Variants in MEIS2 observed in about 807,000 individuals in gnomAD.
MEIS2 encodes Meis homeobox 2.
MEIS2 carries 9 observed loss-of-function variants against 58.6 expected under a neutral mutation model. The ratio of observed to expected loss-of-function variants is 0.15; its 90% CI spans 0.09 to 0.27. MEIS2 has a LOEUF of 0.27. Ranked by LOEUF, MEIS2 falls within the 10% of genes least tolerant of loss-of-function variation. MEIS2 has a pLI of 1.00. For missense variants in MEIS2, 427 were observed against 635.0 expected, an observed-to-expected ratio of 0.67 and a Z score of 3.52; for synonymous variants, 221 against 228.4, an observed-to-expected ratio of 0.97 and a Z score of 0.29.
chr15:36,900,279 C>T (rs897971810), intron 9 of MEIS2, among the ~76,000 whole-genome samples: 6 of 152,014 alleles, frequency 3.9e-5, no homozygotes, highest in Admixed American at 3.3e-4. Context: ...TTTTCATTAG[C>T]CTCATTGTGA....
chr15:37,023,911 CTTTTTTTTTTTT>C (rs35244111), intron 8 of MEIS2, among the ~76,000 whole-genome samples: 22 of 101,538 alleles, frequency 2.2e-4, no homozygotes, highest in African/African-American at 7.4e-4. Context: ...TTTTCTCTCT[CTTTTTTTTTTTT>C]TTTTTTTTTT....
chr15:36,978,870 AGACT>A (rs1391550301), intron 8 of MEIS2, among the ~76,000 whole-genome samples: 3 of 152,234 alleles, frequency 2.0e-5, no homozygotes, highest in African/African-American at 4.8e-5. Context: ...TCCAGTTACT[AGACT>A]GACTGCTTTC....
At chr15:36,903,785 G>A (rs947252117) in intron 9 of MEIS2, among the ~76,000 whole-genome samples, 2 of 152,122 alleles carry the variant, frequency 1.3e-5, no homozygotes, top group African/African-American at 4.8e-5. Flanking sequence ...AACAAATCTA[G>A]TAGCTTTTTA....
intron 9 of MEIS2, among the ~76,000 whole-genome samples, chr15:36,935,945 T>C (rs1254766391): frequency 6.6e-6 from 1 of 152,218 alleles, no homozygotes; most frequent in African/African-American, 2.4e-5. Flanking sequence ...AATATTATTT[T>C]ACATTATGAA....
chr15:36,986,705 G>T (rs1328486831), intron 8 of MEIS2, among the ~76,000 whole-genome samples: 1 of 152,154 alleles, frequency 6.6e-6, no homozygotes, highest in Non-Finnish European at 1.5e-5. Flanking sequence ...GGCCTTCTAG[G>T]ATCTGCTGAC....
chr15:36,969,282 T>C (rs1272888589), intron 8 of MEIS2, among the ~76,000 whole-genome samples: 5 of 152,248 alleles, frequency 3.3e-5, no homozygotes, highest in Non-Finnish European at 7.3e-5. Context: ...CCAGTTTATC[T>C]ACTCTGTCAT....
chr15:36,971,564 A>G (rs74747431), intron 8 of MEIS2, among the ~76,000 whole-genome samples: 2 of 147,772 alleles, frequency 1.4e-5, no homozygotes, highest in African/African-American at 2.5e-5. Context: ...AAAAAAAAAA[A>G]GGGCTGTTCC....
intron 7 of MEIS2, among the ~76,000 whole-genome samples, chr15:37,064,462 T>C (rs1299322439): frequency 6.6e-6 from 1 of 152,130 alleles, no homozygotes; most frequent in Non-Finnish European, 1.5e-5. Context: ...AAGGACATTA[T>C]GAATAATATT....
intron 9 of MEIS2, among the ~76,000 whole-genome samples, chr15:36,907,356 C>G (rs542227303): frequency 6.6e-6 from 1 of 152,186 alleles, no homozygotes; most frequent in Non-Finnish European, 1.5e-5. Flanking sequence ...AAATGGTTCT[C>G]AAGTCTCTAT....
intron 7 of MEIS2, among the ~76,000 whole-genome samples, chr15:37,072,487 T>C (rs1472117493): frequency 1.3e-5 from 2 of 152,110 alleles, no homozygotes; most frequent in Non-Finnish European, 2.9e-5. Context: ...CCCACTTGCC[T>C]CTCCAGCCTC....
Position 36,892,529 on chromosome 15 carries a change from T to TAAAA in MEIS2, c.1148-71_1148-70insTTTT. Reference sequence around the variant, plus strand: ...ATTTTTATACTTTACCCATCAAAGATGAAAAGAAAAAAAAAAAAAAAACAA... The same window carrying TAAAA: ...ATTTTTATACTTTACCCATCAAAGATAAAAGAAAAGAAAAAAAAAAAAAAAACAA... On this transcript the variant is annotated intron_variant, in intron 11 of 11. Coordinates refer to ENST00000561208, the MANE Select transcript of MEIS2 (RefSeq NM_170675.5). 5.0e-6 allele frequency: 5 copies of TAAAA among 994,156 alleles called. No individual in the cohort carries two copies. The South Asian group carries it at 9.7e-5, about 19-fold the overall frequency. 61.6% of individuals were successfully genotyped at this position (994,156 alleles called of 1,614,324 possible). A position where few individuals can be genotyped will look rare whatever the true frequency, so the allele number is the denominator to read the frequency against.
At chr15:37,064,270 C>G (rs1889637608) in intron 7 of MEIS2, among the ~76,000 whole-genome samples, 1 of 152,034 alleles carries the variant, frequency 6.6e-6, no homozygotes, top group African/African-American at 2.4e-5. Context: ...ATTTTCAGGA[C>G]AGAAAGCAAA....
intron 8 of MEIS2, among the ~76,000 whole-genome samples, chr15:37,000,442 C>T (rs1363572509): frequency 6.6e-6 from 1 of 152,122 alleles, no homozygotes; most frequent in African/African-American, 2.4e-5. Context: ...GCAACCACAA[C>T]CCCTACACTG....
chr15:37,051,331 A>G (rs2062910355), intron 7 of MEIS2, among the ~76,000 whole-genome samples: 1 of 152,220 alleles, frequency 6.6e-6, no homozygotes, highest in Non-Finnish European at 1.5e-5. Flanking sequence ...TACATTTTGA[A>G]ATCATGCTAA....
intron 9 of MEIS2, among the ~76,000 whole-genome samples, chr15:36,930,780 G>C (rs570372085): frequency 6.6e-6 from 1 of 152,094 alleles, no homozygotes. Flanking sequence ...TCATATATAC[G>C]CACATCTTTC....
chr15:36,984,533 C>T lies in MEIS2; in HGVS notation c.901-34133G>A, dbSNP rs188890427. ...GATTTTTGCATCTGTGTTCACCAGG[C>T]ATATTAGCTTGTAATTTTTTTCTTG... On this transcript the variant is annotated intron_variant, in intron 8 of 11. Transcript: ENST00000561208. Among the ~76,000 whole-genome samples the T allele has an allele frequency of 2.6e-5, 4 of 152,152 alleles. No individual in the cohort carries two copies. In the East Asian group the frequency reaches 7.7e-4, roughly 29 times the overall value.
chr15:37,027,138 T>G (rs1396907208), intron 8 of MEIS2, among the ~76,000 whole-genome samples: 3 of 152,218 alleles, frequency 2.0e-5, no homozygotes, highest in African/African-American at 7.2e-5. Context: ...TAATGCTTCC[T>G]ACCTAAGTCA....
chr15:37,088,402 A>C (rs1398465168), intron 6 of MEIS2, among the ~76,000 whole-genome samples: 2 of 152,150 alleles, frequency 1.3e-5, no homozygotes, highest in African/African-American at 2.4e-5. Flanking sequence ...TACATAATTA[A>C]ATTACTTATT....
intron 7 of MEIS2, among the ~76,000 whole-genome samples, chr15:37,066,924 G>A (rs898731688): frequency 1.3e-5 from 2 of 151,884 alleles, no homozygotes; most frequent in Non-Finnish European, 2.9e-5. Context: ...GACTATAGGT[G>A]CATGCCATTG....
Sources: gnomAD v4.1 joint callset for allele counts (sites outside exome capture counted in the v4.1 genomes callset) on GRCh38, gnomAD v4.1.1 for gene constraint, MANE v1.5 for transcripts, NCBI Gene and HGNC (gene_info 2026-07-23, HGNC 2026-07-21) for gene names.